SPTA1: variants seen among roughly 807,000 people sequenced by gnomAD.
SPTA1 encodes the protein spectrin alpha chain, erythrocytic 1.
A neutral mutation model predicts 324.7 loss-of-function variants in SPTA1; 177 were observed. The observed-to-expected ratio is 0.55, with a 90% confidence interval of 0.48 to 0.62. The LOEUF is 0.62. Ranked by LOEUF, SPTA1 falls within the 20% of genes least tolerant of loss-of-function variation. SPTA1 has a pLI of 0.00. For missense variants in SPTA1, 3,162 were observed against 2,883.6 expected, an observed-to-expected ratio of 1.10 and a Z score of -2.21; for synonymous variants, 1,195 against 1,041.3, an observed-to-expected ratio of 1.15 and a Z score of -2.84.
Position 158,619,246 on chromosome 1 carries a change from A to C in SPTA1, c.6506T>G (p.Phe2169Cys). ...CQEFEQNASTFLQWILETRAY... is the reference protein window; with the variant it reads ...CQEFEQNASTCLQWILETRAY... ...CCTGGTTTCCAGGATCCATTGAAGG[A>C]AGGTACTGGCATTCTGTTCAAACTC... Residue 2169 changes from phenylalanine (F) to cysteine (C), a missense_variant, in exon 45 of 52, where the codon TTC becomes TGC. Physicochemically the swap from Phe to Cys is radical, Grantham distance 205. Transcript: ENST00000643759. 1 of 1,614,052 alleles carries C rather than the reference A, an allele frequency of 6.2e-7. No homozygotes were observed.
intron 27 of SPTA1, among the ~76,000 whole-genome samples, chr1:158,647,284 A>T (rs137963988): frequency 9.2e-5 from 14 of 152,332 alleles, no homozygotes; most frequent in African/African-American, 3.4e-4. Flanking sequence ...ACTGAATACT[A>T]CTGTCTCTTC....
chr1:158,623,949 G>A (rs1032121458), intron 42 of SPTA1, among the ~76,000 whole-genome samples: 1 of 152,188 alleles, frequency 6.6e-6, no homozygotes, highest in African/African-American at 2.4e-5. Context: ...AGCTGTTCTA[G>A]CTGTAGCCAA....
In SPTA1 at chr1:158,626,917, C is replaced by A. The variant is rs1259422251; in HGVS notation, c.5755G>T (p.Ala1919Ser). The change falls in exon 41 of 52, where the codon GCT (alanine) becomes TCT (serine). Residue 1919 changes from alanine to serine, a missense_variant. Transcript: ENST00000643759. ...TCGTCTTCCAATTGCAACTTCCAAGCAGCTATTGCCTTAGCCAGAGAAGGG... is the reference window on the plus strand; with the variant it reads ...TCGTCTTCCAATTGCAACTTCCAAGAAGCTATTGCCTTAGCCAGAGAAGGG... ...KTPSLAKAIA[A>S]WKLQLEDDYA... 8 of 1,613,834 alleles carry A rather than the reference C, an allele frequency of 5.0e-6. No homozygotes were observed. The African/African-American group carries it at 1.1e-4, about 22-fold the overall frequency.
chr1:158,664,669 A>T (rs984558822), intron 16 of SPTA1, among the ~76,000 whole-genome samples: 8 of 152,228 alleles, frequency 5.3e-5, no homozygotes, highest in Admixed American at 1.3e-4. Flanking sequence ...AGTAAAATAA[A>T]TTAAAACCAA....
At chr1:158,641,768 C>T (rs1189335320) in intron 33 of SPTA1, among the ~76,000 whole-genome samples, 7 of 152,068 alleles carry the variant, frequency 4.6e-5, no homozygotes, top group South Asian at 2.1e-4. Context: ...CTCAGGGATC[C>T]AGAACTAGAA....
intron 22 of SPTA1, 133 bp downstream of exon 22, chr1:158,653,141 A>G: frequency 7.2e-7 from 1 of 1,394,606 alleles, no homozygotes; most frequent in South Asian, 1.2e-5. Context: ...TTCTAGGTTT[A>G]CTTTCGATTC....
At chr1:158,675,346 T>C (rs997680771) in intron 8 of SPTA1, among the ~76,000 whole-genome samples, 14 of 152,174 alleles carry the variant, frequency 9.2e-5, no homozygotes, top group African/African-American at 3.4e-4. Context: ...TTCAGTTCCT[T>C]ATCTAGAGTC....
At chr1:158,648,773 C>T (rs1351302174) in intron 25 of SPTA1, 120 bp from the exon 26 acceptor site, 2 of 1,044,246 alleles carry the variant, frequency 1.9e-6, no homozygotes, top group Admixed American at 2.0e-5. Context: ...CCCCCCCACC[C>T]CAACCAATTA....
intron 25 of SPTA1, among the ~76,000 whole-genome samples, 190 bp from the exon 26 acceptor site, chr1:158,648,843 A>T (rs903597343): frequency 2.0e-5 from 3 of 149,248 alleles, no homozygotes; most frequent in African/African-American, 7.4e-5. Flanking sequence ...AACTCCAAGA[A>T]GCATAGTTAC....
intron 10 of SPTA1, among the ~76,000 whole-genome samples, chr1:158,672,534 G>C (rs898193209): frequency 3.9e-5 from 6 of 152,138 alleles, no homozygotes; most frequent in African/African-American, 1.4e-4. Context: ...ATAAGCAAAT[G>C]AACTGCAAAT....
At chr1:158,614,019 G>A in intron 49 of SPTA1, 152 bp from the exon 50 acceptor site, 1 of 958,532 alleles carries the variant, frequency 1.0e-6, no homozygotes, top group East Asian at 2.6e-5. Context: ...TCTGTGTCAT[G>A]TACATTTTTT....
intron 39 of SPTA1, among the ~76,000 whole-genome samples, chr1:158,628,089 G>C (rs3737518): frequency 0.037 from 5,637 of 152,168 alleles, 137 homozygotes; most frequent in Non-Finnish European, 0.055. Flanking sequence ...AAAAAATTTA[G>C]TATCAAGAAC....
rs1355650002 is a variant in SPTA1 at position 158,620,379 on chromosome 1, C to G, written c.6208G>C (p.Val2070Leu). Residue 2070 changes from valine to leucine, a missense_variant, in exon 44 of 52, where the codon GTG becomes CTG. Transcript: ENST00000643759. ...ATTTCATTCAGGGAGACACAGTGCACAGGCTCTGACAAGTTTTCTTCCATC... is the reference window on the plus strand; with the variant it reads ...ATTTCATTCAGGGAGACACAGTGCAGAGGCTCTGACAAGTTTTCTTCCATC... ...EKMEENLSEP[V>L]HCVSLNEIRQ... 21 of 1,613,902 alleles carry G rather than the reference C, an allele frequency of 1.3e-5. No homozygotes were observed. In the Admixed American group the frequency reaches 3.5e-4, roughly 27 times the overall value.
chr1:158,659,595 A>ATTTTCTTTTTTTTTT (rs1653057932), intron 18 of SPTA1, among the ~76,000 whole-genome samples: 1 of 68,716 alleles, frequency 1.5e-5, no homozygotes. Flanking sequence ...TCTTAGCATT[A>ATTTTCTTTTTTTTTT]TTTTTTTTTT....
chr1:158,677,167 T>G (rs1370061888), intron 7 of SPTA1, among the ~76,000 whole-genome samples: 1 of 152,192 alleles, frequency 6.6e-6, no homozygotes, highest in East Asian at 1.9e-4. Context: ...AAAATAGGCT[T>G]GTTCTAAGTT....
In SPTA1 at chr1:158,622,726, T is replaced by C. The variant is rs1619; in HGVS notation, c.6120+257A>G. 58,895 of 446,614 alleles carry C rather than the reference T, an allele frequency of 0.13. 4,729 individuals are homozygous for C. The highest frequency in any genetic ancestry group is 0.22 in the East Asian group (4,760 of 21,318). 27.7% of individuals were successfully genotyped at this position (446,614 alleles called of 1,614,324 possible). On this transcript the variant is annotated intron_variant, in intron 43 of 51. Coordinates refer to ENST00000643759, the MANE Select transcript of SPTA1 (RefSeq NM_003126.4). The stretch of plus-strand genomic sequence containing the variant: ...TCATACACAAAGACCTCCCATCCTC[T>C]TGTTCCATCCACCTCTTCCACTGTT...
At chr1:158,681,492 G>C (rs1396022466) in intron 4 of SPTA1, 35 bp downstream of exon 4, 1 of 1,613,312 alleles carries the variant, frequency 6.2e-7, no homozygotes, top group Non-Finnish European at 8.5e-7. Flanking sequence ...AGAGGAGTGG[G>C]AGGCCCTGTG....
Position 158,620,252 on chromosome 1 carries a change from A to G in SPTA1, c.6335T>C (p.Leu2112Ser), listed in dbSNP as rs1383401833. Residue 2112 changes from leucine (L) to serine (S), a missense_variant, in exon 44 of 52, where the codon TTA (leucine) becomes TCA (serine). Coordinates refer to ENST00000643759, the MANE Select transcript of SPTA1 (RefSeq NM_003126.4). ...GGTATAAGGGCTGGAAGGCACACCT[A>G]AGGCCTTAATCTGCTGGTCTAGCTC... ...LLELDQQIKA[L>S]GVPSSPYTWL... The G allele has an allele frequency of 6.2e-6, 10 of 1,614,180 alleles. No homozygotes were observed. Among genetic ancestry groups the G allele is most frequent in the Non-Finnish European group, 8.5e-6 (10 of 1,180,034 alleles).
rs78394850 is a variant in SPTA1, at chr1:158,623,057, G to A, written c.6046C>T (p.Arg2016Cys). Reference sequence around the variant, plus strand: ...GAGGCTTCCAGCAACTGTTCCCAGCGCTTCAGCAGAGCGGCATAACGCTCT... The same window carrying A: ...GAGGCTTCCAGCAACTGTTCCCAGCACTTCAGCAGAGCGGCATAACGCTCT... ...IEERYAALLK[R>C]WEQLLEASAV... The change falls in exon 43 of 52, where the codon CGC becomes TGC. Residue 2016 changes from arginine to cysteine, a missense_variant. Physicochemically the swap from Arg to Cys is radical, Grantham distance 180. Coordinates refer to ENST00000643759, the MANE Select transcript of SPTA1 (RefSeq NM_003126.4). The A allele has an allele frequency of 0.024, 38,929 of 1,613,990 alleles. 1,324 individuals carry two copies. The highest frequency in any genetic ancestry group is 0.15 in the African/African-American group (10,955 of 74,958).
Sources: gnomAD v4.1 joint callset for allele counts (sites outside exome capture counted in the v4.1 genomes callset) on GRCh38, gnomAD v4.1.1 for gene constraint, MANE v1.5 for transcripts, NCBI Gene and HGNC (gene_info 2026-07-23, HGNC 2026-07-21) for gene names.